KATNAL2: variants seen among roughly 807,000 people sequenced by gnomAD.
KATNAL2 encodes the protein katanin catalytic subunit A1 like 2.
In KATNAL2, 52 loss-of-function variants were observed where a neutral mutation model predicts 76.3. That is an observed-to-expected ratio of 0.68 (90% CI 0.55 to 0.86). KATNAL2 has a LOEUF of 0.86. KATNAL2 is among the 40% of genes least tolerant of loss of function. The pLI is 0.00. For missense variants in KATNAL2, 660 were observed against 668.9 expected (o/e 0.99, Z 0.15); for synonymous variants, 243 against 244.2 (o/e 1.00, Z 0.05).
intron 1 of KATNAL2, among the ~76,000 whole-genome samples, chr18:46,939,800 C>T (rs1023682954): frequency 1.3e-5 from 2 of 152,192 alleles, no homozygotes; most frequent in African/African-American, 2.4e-5. Context: ...GTTGAGGCCC[C>T]TGAAGCTACA....
At chr18:46,931,991 A>G (rs2058938639) in intron 1 of KATNAL2, among the ~76,000 whole-genome samples, 2 of 150,652 alleles carry the variant, frequency 1.3e-5, no homozygotes, top group Non-Finnish European at 3.0e-5. Flanking sequence ...GCTCACTGTA[A>G]CCTCCGACTC....
intron 8 of KATNAL2, 57 bp downstream of exon 8, chr18:47,059,711 C>T (rs1273224181): frequency 8.3e-7 from 1 of 1,207,740 alleles, no homozygotes; most frequent in African/African-American, 1.5e-5. Context: ...TCCTTTTAAA[C>T]ATGAAAACAA....
intron 3 of KATNAL2, among the ~76,000 whole-genome samples, chr18:46,959,739 A>T (rs2059879494): frequency 6.6e-6 from 1 of 152,074 alleles, no homozygotes; most frequent in Non-Finnish European, 1.5e-5. Flanking sequence ...ATGCCCGGCT[A>T]ATTTTTGTAT....
At chr18:46,932,874 C>T (rs2058974952) in intron 1 of KATNAL2, among the ~76,000 whole-genome samples, 1 of 151,756 alleles carries the variant, frequency 6.6e-6, no homozygotes, top group African/African-American at 2.4e-5. Context: ...AAGCGATTCT[C>T]CTGCCTCAAC....
intron 4 of KATNAL2, among the ~76,000 whole-genome samples, chr18:47,047,028 C>T (rs534592432): frequency 1.3e-5 from 2 of 152,072 alleles, no homozygotes; most frequent in Non-Finnish European, 2.9e-5. Context: ...AACCACATCC[C>T]CCTGCTCCCA....
At chr18:47,063,793 A>G (rs1415801678) in intron 10 of KATNAL2, among the ~76,000 whole-genome samples, 1 of 152,198 alleles carries the variant, frequency 6.6e-6, no homozygotes, top group Non-Finnish European at 1.5e-5. Flanking sequence ...AATTAGCAGG[A>G]AAGACTACCA....
chr18:46,944,359 TA>T (rs1349000768), intron 1 of KATNAL2, among the ~76,000 whole-genome samples: 1 of 152,096 alleles, frequency 6.6e-6, no homozygotes, highest in African/African-American at 2.4e-5. Context: ...TTAATACAAA[TA>T]AAAAACGCGG....
intron 13 of KATNAL2, 85 bp from the exon 14 acceptor site, chr18:47,075,192 C>A (rs2062156244): frequency 3.0e-6 from 3 of 1,006,004 alleles, no homozygotes; most frequent in South Asian, 1.9e-5. Context: ...CTTATTATTA[C>A]AGTCATTCTA....
intron 3 of KATNAL2, chr18:47,033,105 G>T (rs777635453): frequency 1.2e-6 from 2 of 1,614,016 alleles, no homozygotes; most frequent in African/African-American, 2.7e-5. Flanking sequence ...CGGGCGCCGC[G>T]TGCTCATTGC....
At chr18:47,083,317 A>G (rs1409721466) in intron 15 of KATNAL2, among the ~76,000 whole-genome samples, 1 of 152,206 alleles carries the variant, frequency 6.6e-6, no homozygotes, top group Non-Finnish European at 1.5e-5. Context: ...GACTTATCTG[A>G]TTCAAGCAGT....
At chr18:47,033,622 C>T (rs755588711) in intron 3 of KATNAL2, 11 of 1,614,056 alleles carry the variant, frequency 6.8e-6, no homozygotes, top group South Asian at 2.2e-5. Context: ...GGGGACCTCT[C>T]CCACGTCGCT....
At chr18:47,054,278 C>A in intron 5 of KATNAL2, 118 bp from the exon 6 acceptor site, 1 of 870,156 alleles carries the variant, frequency 1.1e-6, no homozygotes, top group Non-Finnish European at 1.9e-6. Context: ...CTCTAGATTC[C>A]AATTGGTTAA....
intron 15 of KATNAL2, among the ~76,000 whole-genome samples, chr18:47,082,485 T>TA (rs917219717): frequency 2.6e-5 from 4 of 152,178 alleles, no homozygotes; most frequent in Admixed American, 2.0e-4. Flanking sequence ...CAATGTTTAT[T>TA]AAAAAAATAA....
chr18:47,033,932 C>G (rs766103603), intron 3 of KATNAL2: 1 of 1,612,820 alleles, frequency 6.2e-7, no homozygotes, highest in Non-Finnish European at 8.5e-7. Flanking sequence ...GAATCAGCGC[C>G]GGCCGCCTGC....
chr18:47,077,718 C>T (rs2062305230), intron 15 of KATNAL2, among the ~76,000 whole-genome samples: 2 of 152,148 alleles, frequency 1.3e-5, no homozygotes, highest in African/African-American at 4.8e-5. Context: ...AGCCAAATTA[C>T]ATAGTTTGTT....
At chr18:47,073,213 GTAA>G (rs576140678) in intron 13 of KATNAL2, among the ~76,000 whole-genome samples, 59 of 152,256 alleles carry the variant, frequency 3.9e-4, no homozygotes, top group African/African-American at 1.4e-3. Flanking sequence ...ATACCAAAAA[GTAA>G]TAGTGTATTT....
At chr18:47,044,391 T>G (rs895441550) in intron 3 of KATNAL2, among the ~76,000 whole-genome samples, 2 of 152,158 alleles carry the variant, frequency 1.3e-5, no homozygotes, top group African/African-American at 4.8e-5. Context: ...GAAAATTTTC[T>G]GGAGATGGAT....
rs193235225 is a variant in KATNAL2 at position 46,945,149 on chromosome 18, T to C, written c.-509-908T>C. On this transcript the variant is annotated intron_variant, in intron 1 of 17. Coordinates refer to ENST00000683218, the MANE Select transcript of KATNAL2 (RefSeq NM_001387690.1). ...TCTTTAAACCAGCTTTACCATCTTA[T>C]TGGCTCCCTCATTAATGAGTTAGGC... is the stretch of plus-strand genomic sequence containing the variant. Among the ~76,000 whole-genome samples, 323 of 152,352 alleles carry C rather than the reference T, an allele frequency of 2.1e-3. 2 individuals are homozygous for C. Among genetic ancestry groups the C allele is most frequent in the Non-Finnish European group, 3.5e-3 (239 of 68,038 alleles).
At chr18:47,060,152 A>G (rs933004293) in intron 8 of KATNAL2, among the ~76,000 whole-genome samples, 2 of 152,032 alleles carry the variant, frequency 1.3e-5, no homozygotes, top group Non-Finnish European at 2.9e-5. Flanking sequence ...ATGCACCACA[A>G]CATCCAGCTA....
Sources: allele counts gnomAD v4.1 joint callset (sites outside exome capture counted in the v4.1 genomes callset), GRCh38; gene constraint gnomAD v4.1.1; transcripts MANE v1.5; gene names NCBI Gene and HGNC (gene_info 2026-07-23, HGNC 2026-07-21).